The following SCFD1 variants were observed in gnomAD, a reference collection of about 807,000 sequenced individuals.
SCFD1 encodes sec1 family domain-containing protein 1.
SCFD1 carries 37 observed loss-of-function variants against 103.2 expected under a neutral mutation model. That is an observed-to-expected ratio of 0.36 (90% confidence interval 0.28 to 0.47). The LOEUF is 0.47. Among genes scored for constraint, SCFD1 ranks in the 20% least tolerant of loss-of-function variants. SCFD1 has a pLI of 1.00. For synonymous variants in SCFD1, 264 were observed against 245.0 expected (o/e 1.08, Z -0.73); for missense variants, 639 against 761.2 (o/e 0.84, Z 1.89).
intron 1 of SCFD1, among the ~76,000 whole-genome samples, chr14:30,625,275 A>T (rs555228356): frequency 1.3e-3 from 191 of 152,258 alleles, no homozygotes; most frequent in Non-Finnish European, 1.8e-3. Flanking sequence ...AGGAATATGG[A>T]TACAGGTTGA....
chr14:30,655,777 G>C (rs1445916472), intron 10 of SCFD1, among the ~76,000 whole-genome samples: 1 of 152,142 alleles, frequency 6.6e-6, no homozygotes, highest in East Asian at 1.9e-4. Flanking sequence ...TTGTTTAGTG[G>C]GATGGAAAAG....
At chr14:30,675,595 G>A (rs1487665876) in intron 14 of SCFD1, among the ~76,000 whole-genome samples, 1 of 152,144 alleles carries the variant, frequency 6.6e-6, no homozygotes, top group Non-Finnish European at 1.5e-5. Context: ...CCGTGTTCAT[G>A]ATTGCCCCAT....
intron 8 of SCFD1, 64 bp from the exon 9 acceptor site, chr14:30,650,501 T>A: frequency 1.1e-6 from 1 of 941,648 alleles, no homozygotes; most frequent in East Asian, 2.5e-5. Context: ...AAAACACATT[T>A]TGAATTAACC....
chr14:30,674,092 A>G (rs1479675324), intron 13 of SCFD1, 95 bp downstream of exon 13: 1 of 774,730 alleles, frequency 1.3e-6, no homozygotes, highest in Non-Finnish European at 2.1e-6. Context: ...ACTAGTAGGA[A>G]ACTGTAGGCA....
rs17097001 is a variant in SCFD1 at position 30,640,009 on chromosome 14, A to C, written c.523+145A>C. On this transcript the variant is annotated intron_variant, in intron 6 of 24. Transcript: ENST00000458591. ...AGAAGCTTTTTAAAAGCACACAGAG[A>C]AAACAAGGCTCAGACTGAATTTTAT... The C allele has an allele frequency of 2.3e-3, 2,219 of 954,740 alleles. 38 individuals are homozygous for C. In the African/African-American group the frequency reaches 0.034, roughly 15 times the overall value. The allele number at this position is 954,740 out of a possible 1,614,324, so 59.1% of individuals were successfully genotyped here.
intron 14 of SCFD1, among the ~76,000 whole-genome samples, chr14:30,677,827 CTTTTTTTTTTTTTTTTTT>C (rs58942207): frequency 8.9e-5 from 6 of 67,516 alleles, no homozygotes; most frequent in African/African-American, 2.6e-4. Context: ...ACCTAAGCAC[CTTTTTTTTTTTTTTTTTT>C]TTTTTTTTTT....
intron 1 of SCFD1, among the ~76,000 whole-genome samples, chr14:30,627,786 A>G (rs1191997538): frequency 6.8e-6 from 1 of 147,332 alleles, no homozygotes; most frequent in Admixed American, 6.8e-5. Flanking sequence ...GATCTTTCTC[A>G]CTAGGCCACT....
At chr14:30,625,464 G>C (rs1883293519) in intron 1 of SCFD1, among the ~76,000 whole-genome samples, 1 of 152,094 alleles carries the variant, frequency 6.6e-6, no homozygotes, top group Non-Finnish European at 1.5e-5. Context: ...AGTATATTTA[G>C]AGCCAATAAG....
At chr14:30,626,711 C>T (rs776972149) in intron 1 of SCFD1, among the ~76,000 whole-genome samples, 3 of 152,156 alleles carry the variant, frequency 2.0e-5, no homozygotes, top group Non-Finnish European at 4.4e-5. Flanking sequence ...CATTAAAACC[C>T]TGTGTCTCAT....
At chr14:30,643,823 T>C (rs1885531387) in intron 7 of SCFD1, 1 of 383,232 alleles carries the variant, frequency 2.6e-6, no homozygotes, top group Non-Finnish European at 5.1e-6. Context: ...AATACTAATC[T>C]ACCTATACCT....
At chr14:30,648,782 A>AGCAAATTTTTT (rs1886107101) in intron 7 of SCFD1, among the ~76,000 whole-genome samples, 1 of 152,096 alleles carries the variant, frequency 6.6e-6, no homozygotes, top group Non-Finnish European at 1.5e-5. Context: ...CACCATGCCC[A>AGCAAATTTTTT]GCAAATTTTT....
chr14:30,662,875 A>C (rs1887574615), intron 10 of SCFD1, among the ~76,000 whole-genome samples: 1 of 152,148 alleles, frequency 6.6e-6, no homozygotes, highest in African/African-American at 2.4e-5. Context: ...GGATCTATTT[A>C]TATGTAGTGA....
intron 23 of SCFD1, chr14:30,722,814 T>TAA (rs1892744117): frequency 3.9e-6 from 1 of 256,850 alleles, no homozygotes; most frequent in Non-Finnish European, 7.3e-6. Context: ...TGTCTTAATA[T>TAA]AACCTCAAAT....
intron 10 of SCFD1, among the ~76,000 whole-genome samples, chr14:30,662,933 C>T (rs1432778780): frequency 3.3e-5 from 5 of 152,104 alleles, no homozygotes; most frequent in Non-Finnish European, 7.4e-5. Context: ...ATGTGACTGT[C>T]AATGGAAACA....
At position 30,694,848 on chromosome 14, in the gene SCFD1, G is replaced by C. The variant is rs777802834; in HGVS notation, c.1318G>C (p.Asp440His). The change falls in exon 15 of 25, where the codon GAT (aspartate) becomes CAT (histidine). Residue 440 changes from aspartate (D) to histidine (H), a missense_variant. Transcript: ENST00000458591. The part of the protein sequence containing the change: ...SKTTLDKSLL[D>H]IISDPDAGTP... ...AACTACTCTGGATAAATCTCTTCTAGATATAATATCAGACCCTGATGGTAT... is the reference window on the plus strand; with the variant it reads ...AACTACTCTGGATAAATCTCTTCTACATATAATATCAGACCCTGATGGTAT... 2 of 1,587,698 alleles carry C rather than the reference G, an allele frequency of 1.3e-6. No homozygotes were observed. The highest frequency in any genetic ancestry group is 1.7e-6 in the Non-Finnish European group (2 of 1,171,972).
intron 23 of SCFD1, among the ~76,000 whole-genome samples, chr14:30,731,856 G>T (rs1471004077): frequency 6.6e-6 from 1 of 152,098 alleles, no homozygotes; most frequent in African/African-American, 2.4e-5. Context: ...TCTTTCTCCT[G>T]CCTGATTGCC....
intron 13 of SCFD1, among the ~76,000 whole-genome samples, chr14:30,674,275 A>T (rs1487684480): frequency 1.3e-5 from 2 of 152,152 alleles, no homozygotes; most frequent in African/African-American, 4.8e-5. Context: ...AGGGCAAGCG[A>T]TTATTAATTT....
At chr14:30,633,515 G>A (rs922288053) in intron 3 of SCFD1, among the ~76,000 whole-genome samples, 2 of 151,940 alleles carry the variant, frequency 1.3e-5, no homozygotes, top group African/African-American at 4.8e-5. Flanking sequence ...CTAAAGAATT[G>A]CTTCTAAAAT....
At position 30,628,588 on chromosome 14, in the gene SCFD1, A is replaced by G. The variant is rs115092150; in HGVS notation, c.132+309A>G. Among the ~76,000 whole-genome samples, 855 of 152,300 alleles carry G rather than the reference A, an allele frequency of 5.6e-3. 10 individuals carry two copies. The highest frequency in any genetic ancestry group is 0.019 in the African/African-American group (785 of 41,566). On this transcript the variant is annotated intron_variant, in intron 2 of 24. Coordinates refer to ENST00000458591, the MANE Select transcript of SCFD1 (RefSeq NM_016106.4). Reference sequence around the variant, plus strand: ...TTCAAGTCCAGACTTTGGATTTTATAAGCTTGCTCGGAGTTAGTCACATTC... The same window carrying G: ...TTCAAGTCCAGACTTTGGATTTTATGAGCTTGCTCGGAGTTAGTCACATTC...
Sources: allele counts gnomAD v4.1 joint callset (sites outside exome capture counted in the v4.1 genomes callset), GRCh38; gene constraint gnomAD v4.1.1; transcripts MANE v1.5; gene names NCBI Gene and HGNC (gene_info 2026-07-23, HGNC 2026-07-21).